Variants in DDOST observed in about 807,000 individuals in gnomAD.
DDOST encodes the protein dolichyl-diphosphooligosaccharide--protein glycosyltransferase 48 kDa subunit.
A neutral mutation model predicts 47.6 loss-of-function variants in DDOST; 25 were observed. The observed-to-expected ratio is 0.53, with a 90% CI of 0.38 to 0.73. The LOEUF (loss-of-function observed/expected upper bound fraction) is 0.73. DDOST is among the 30% of genes least tolerant of loss of function. DDOST has a pLI of 0.00. For synonymous variants in DDOST, 275 were observed against 236.0 expected (o/e 1.17, Z -1.51); for missense variants, 526 against 573.9 (o/e 0.92, Z 0.85).
chr1:20,661,359 T>A lies in DDOST; in HGVS notation c.-9A>T, dbSNP rs754084837. On this transcript the variant is annotated 5_prime_UTR_variant, in exon 1 of 11. Transcript: ENST00000602624. ...GCGGTGCTGGGCTCCATCTTCCTCCTCCTGCCGAAGGACCCAGCACGTGCA... is the reference window on the plus strand; with the variant it reads ...GCGGTGCTGGGCTCCATCTTCCTCCACCTGCCGAAGGACCCAGCACGTGCA... 3.1e-6 allele frequency: 5 copies of A among 1,612,452 alleles called. No homozygotes were observed. The East Asian group carries it at 1.1e-4, about 36-fold the overall frequency.
rs886045853 is a variant in DDOST, at chr1:20,651,801, T to TTTTTTTTTTTATTTA, written c.*577_*578insTAAATAAAAAAAAAA. On this transcript the variant is annotated 3_prime_UTR_variant, in exon 11 of 11. Coordinates refer to ENST00000602624, the MANE Select transcript of DDOST (RefSeq NM_005216.5). The stretch of plus-strand genomic sequence containing the variant: ...GTTTGAGGGCAACATCTCGCTTTAT[T>TTTTTTTTTTTATTTA]TTTATTTATTTATTTATTTATTTAT... 6.8e-6 allele frequency: 1 copy of TTTTTTTTTTTATTTA among 147,120 alleles called. No individual in the cohort carries two copies. The allele number at this position is 147,120 out of a possible 1,614,324, so 9.1% of individuals were successfully genotyped here. A position where few individuals can be genotyped will look rare whatever the true frequency, so the allele number is the denominator to read the frequency against.
At position 20,653,739 on chromosome 1, in the gene DDOST, G is replaced by A. The variant is rs749074495; in HGVS notation, c.830C>T (p.Ala277Val). The change falls in exon 8 of 11, where the codon GCC becomes GTC. Residue 277 changes from alanine to valine, a missense_variant. Coordinates refer to ENST00000602624, the MANE Select transcript of DDOST (RefSeq NM_005216.5). ...CTCCTTGAACACCCAGCGGGAGAGG[G>A]CCACAGCTAGTTCATAGTTGCCTGT... is the stretch of plus-strand genomic sequence containing the variant. ...SQTGNYELAVALSRWVFKEEG... is the reference protein window; with the variant it reads ...SQTGNYELAVVLSRWVFKEEG... 3.1e-6 allele frequency: 5 copies of A among 1,613,894 alleles called. No individual in the cohort carries two copies. The African/African-American group carries it at 4.0e-5, about 13-fold the overall frequency.
Position 20,652,039 on chromosome 1 carries a change from A to ATAGTC in DDOST, c.*335_*339dup, listed in dbSNP as rs2053295397. On this transcript the variant is annotated 3_prime_UTR_variant, in exon 11 of 11. Coordinates refer to ENST00000602624, the MANE Select transcript of DDOST (RefSeq NM_005216.5). Reference sequence around the variant, plus strand: ...ACAGGGTTTTACCGTGTTAGCCAGGATAGTCTCGATCTCCTGACCTCGTGA... The same window carrying ATAGTC: ...ACAGGGTTTTACCGTGTTAGCCAGGATAGTCTAGTCTCGATCTCCTGACCTCGTGA... 5.4e-6 allele frequency: 1 copy of ATAGTC among 185,258 alleles called. No individual in the cohort carries two copies. The highest frequency in any genetic ancestry group is 5.6e-5 in the Admixed American group (1 of 17,886). The allele number at this position is 185,258 out of a possible 1,614,324, so 11.5% of individuals were successfully genotyped here. A position where few individuals can be genotyped will look rare whatever the true frequency, so the allele number is the denominator to read the frequency against.
chr1:20,653,033 G>C, intron 8 of DDOST, 62 bp from the exon 9 acceptor site: 1 of 1,605,572 alleles, frequency 6.2e-7, no homozygotes, highest in Non-Finnish European at 8.5e-7. Context: ...ACCACCTGCA[G>C]GCAGAGCTGC....
At chr1:20,658,116 C>T (rs377128661) in intron 2 of DDOST, among the ~76,000 whole-genome samples, 1 of 152,214 alleles carries the variant, frequency 6.6e-6, no homozygotes, top group Non-Finnish European at 1.5e-5. Flanking sequence ...GCTTTGAAAT[C>T]GAGACCACCT....
intron 4 of DDOST, 27 bp downstream of exon 4, chr1:20,655,647 GAA>G (rs1196629277): frequency 6.2e-7 from 1 of 1,605,128 alleles, no homozygotes; most frequent in African/African-American, 1.3e-5. Flanking sequence ...ATATGCCCCT[GAA>G]ACCTGGAAGG....
chr1:20,658,334 T>G (rs1029952481), intron 2 of DDOST, among the ~76,000 whole-genome samples: 1 of 152,216 alleles, frequency 6.6e-6, no homozygotes, highest in African/African-American at 2.4e-5. Flanking sequence ...CTCACTCACC[T>G]GAGAGGGTGA....
At chr1:20,659,498 C>T (rs2053413297) in intron 2 of DDOST, among the ~76,000 whole-genome samples, 1 of 152,192 alleles carries the variant, frequency 6.6e-6, no homozygotes, top group Admixed American at 6.5e-5. Context: ...GACTCCCTAT[C>T]CTTAAGATCT....
At chr1:20,653,085 G>T in intron 8 of DDOST, 114 bp from the exon 9 acceptor site, 1 of 1,389,274 alleles carries the variant, frequency 7.2e-7, no homozygotes, top group Non-Finnish European at 1.0e-6. Context: ...ATGCCCAGGA[G>T]TTCAGAAGAC....
At position 20,651,801 on chromosome 1, in the gene DDOST, T is replaced by TTTTATTTATTTATTATTTATTTA; in HGVS notation, c.*577_*578insTAAATAAATAATAAATAAATAAA. The TTTTATTTATTTATTATTTATTTA allele has an allele frequency of 6.8e-6, 1 of 147,210 alleles. No homozygotes were observed. Among genetic ancestry groups the TTTTATTTATTTATTATTTATTTA allele is most frequent in the South Asian group, 2.2e-4 (1 of 4,512 alleles). The allele number at this position is 147,210 out of a possible 1,614,324, so 9.1% of individuals were successfully genotyped here. A position where few individuals can be genotyped will look rare whatever the true frequency, so the allele number is the denominator to read the frequency against. ...GTTTGAGGGCAACATCTCGCTTTAT[T>TTTTATTTATTTATTATTTATTTA]TTTATTTATTTATTTATTTATTTAT... On this transcript the variant is annotated 3_prime_UTR_variant, in exon 11 of 11. Transcript: ENST00000602624.
intron 2 of DDOST, among the ~76,000 whole-genome samples, chr1:20,658,499 A>G (rs1036149402): frequency 6.6e-6 from 1 of 152,272 alleles, no homozygotes; most frequent in Admixed American, 6.5e-5. Context: ...CAGAGGCAGA[A>G]AAGGCAGCAA....
chr1:20,653,489 G>A, intron 8 of DDOST, 138 bp downstream of exon 8: 1 of 852,758 alleles, frequency 1.2e-6, no homozygotes, highest in Non-Finnish European at 1.7e-6. Flanking sequence ...CACCTGGCAT[G>A]CTTAGGTGTA....
chr1:20,657,165 G>T (rs1165830517), intron 2 of DDOST, among the ~76,000 whole-genome samples: 1 of 152,204 alleles, frequency 6.6e-6, no homozygotes, highest in East Asian at 1.9e-4. Flanking sequence ...CCCGAGGGGG[G>T]TGGGCACGGT....
chr1:20,656,334 C>G lies in DDOST; in HGVS notation c.266-147G>C, dbSNP rs367816270. On this transcript the variant is annotated intron_variant, in intron 2 of 10. Coordinates refer to ENST00000602624, the MANE Select transcript of DDOST (RefSeq NM_005216.5). ...GGGCCACAATGAGGGAGAGGCTTCC[C>G]ACACCACATCCCAGAACGGGCAAGG... 1.6e-4 allele frequency: 101 copies of G among 634,378 alleles called. 1 individual carries two copies. In the African/African-American group the frequency reaches 1.7e-3, roughly 11 times the overall value. 39.3% of individuals were successfully genotyped at this position (634,378 alleles called of 1,614,324 possible). A position where few individuals can be genotyped will look rare whatever the true frequency, so the allele number is the denominator to read the frequency against.
intron 3 of DDOST, among the ~76,000 whole-genome samples, 159 bp from the exon 4 acceptor site, chr1:20,655,938 A>G (rs1252301534): frequency 6.6e-6 from 1 of 152,166 alleles, no homozygotes; most frequent in African/African-American, 2.4e-5. Context: ...GCAGTGTGGT[A>G]TTCTGCCTCC....
chr1:20,654,485 G>T, intron 6 of DDOST, 114 bp from the exon 7 acceptor site: 1 of 1,416,758 alleles, frequency 7.1e-7, no homozygotes, highest in Non-Finnish European at 9.7e-7. Flanking sequence ...CCTACCTGAA[G>T]GGGGAGCCTG....
Position 20,652,670 on chromosome 1 carries a change from T to G in DDOST, c.1121A>C (p.Lys374Thr). ...GTAGCCTAGCCGGTTGTAATCCACTTTAAACTGGAATACACCATACACGTC... is the reference window on the plus strand; with the variant it reads ...GTAGCCTAGCCGGTTGTAATCCACTGTAAACTGGAATACACCATACACGTC... The part of the protein sequence containing the change: ...LPDVYGVFQF[K>T]VDYNRLGYTH... Residue 374 changes from lysine to threonine, a missense_variant, in exon 10 of 11, where the codon AAA (lysine) becomes ACA (threonine). Transcript: ENST00000602624. 6.2e-7 allele frequency: 1 copy of G among 1,614,160 alleles called. No homozygotes were observed. The highest frequency in any genetic ancestry group is 8.5e-7 in the Non-Finnish European group (1 of 1,180,028).
rs756177600 is a variant in DDOST at position 20,652,462 on chromosome 1, C to T, written c.1237G>A (p.Ala413Thr). 8 of 1,613,752 alleles carry T rather than the reference C, an allele frequency of 5.0e-6. No homozygotes were observed. The highest frequency in any genetic ancestry group is 1.1e-5 in the South Asian group (1 of 91,094). Residue 413 changes from alanine (A) to threonine (T), a missense_variant, in exon 11 of 11, where the codon GCC becomes ACC. Physicochemically the swap from Ala to Thr is moderately conservative, Grantham distance 58. Transcript: ENST00000602624. ...CCCAGCATCATGGAGAAGGCGCTGG[C>T]GTAGTAGGGGTAGGCCGAGGGGATG... ...RFIPSAYPYYASAFSMMLGLF... is the reference protein window; with the variant it reads ...RFIPSAYPYYTSAFSMMLGLF...
chr1:20,652,799 G>C (rs923107922), intron 9 of DDOST, 52 bp downstream of exon 9: 1 of 1,575,158 alleles, frequency 6.3e-7, no homozygotes, highest in Middle Eastern at 1.7e-4. Context: ...TCGAGAGCAA[G>C]TGAGGCCTGG....
Sources: allele counts gnomAD v4.1 joint callset (sites outside exome capture counted in the v4.1 genomes callset), GRCh38; gene constraint gnomAD v4.1.1; transcripts MANE v1.5; gene names NCBI Gene and HGNC (gene_info 2026-07-23, HGNC 2026-07-21).